P2RY14: variants seen among roughly 807,000 people sequenced by gnomAD.
The protein encoded by P2RY14 is P2Y purinoceptor 14.
In P2RY14, 2 loss-of-function variants were observed where a neutral mutation model predicts 0.9. The ratio of observed to expected loss-of-function variants is 2.16; its 90% CI spans 0.88 to 6.79. The LOEUF (loss-of-function observed/expected upper bound fraction) is 6.79. P2RY14 is among the 30% of genes most tolerant of loss of function. The probability of loss-of-function intolerance (pLI) is 0.05; values close to 1 mark genes in which losing one functional copy is unlikely to be tolerated. For synonymous variants in P2RY14, 158 were observed against 147.2 expected, an observed-to-expected ratio of 1.07 and a Z score of -0.53; for missense variants, 378 against 400.1, an observed-to-expected ratio of 0.94 and a Z score of 0.47.
At chr3:151,268,146 G>C (rs1464453433) in intron 1 of P2RY14, among the ~76,000 whole-genome samples, 3 of 151,902 alleles carry the variant, frequency 2.0e-5, no homozygotes. Flanking sequence ...TCAATACAAA[G>C]CATTAATAAA....
intron 2 of P2RY14, among the ~76,000 whole-genome samples, chr3:151,218,443 T>C (rs765711811): frequency 1.3e-5 from 2 of 152,248 alleles, no homozygotes; most frequent in Non-Finnish European, 2.9e-5. Context: ...TTACTTCTGG[T>C]ATTATCACTG....
intron 1 of P2RY14, among the ~76,000 whole-genome samples, chr3:151,225,047 G>A (rs1168309667): frequency 6.6e-6 from 1 of 152,056 alleles, no homozygotes; most frequent in Non-Finnish European, 1.5e-5. Flanking sequence ...CAGCCTCCTA[G>A]CTTTTCTTAC....
At chr3:151,247,649 G>A (rs28744503) in intron 1 of P2RY14, among the ~76,000 whole-genome samples, 59,450 of 130,332 alleles carry the variant, frequency 0.46, 14,101 homozygotes, top group Middle Eastern at 0.61. Flanking sequence ...ATTGGGAGAT[G>A]TACCTAATGC....
chr3:151,220,668 C>T (rs1729167194), intron 1 of P2RY14, among the ~76,000 whole-genome samples: 1 of 152,184 alleles, frequency 6.6e-6, no homozygotes, highest in African/African-American at 2.4e-5. Flanking sequence ...CTTCTCTTGT[C>T]TGCTGCCATG....
Position 151,213,902 on chromosome 3 carries a change from T to A in P2RY14, c.415A>T (p.Lys139Ter). The A allele has an allele frequency of 6.2e-7, 1 of 1,614,124 alleles. No individual in the cohort carries two copies. Residue 139 changes from lysine to a stop codon, truncating the protein, a stop_gained, in exon 3 of 3, where the codon AAA becomes TAA. Coordinates refer to ENST00000309170, the MANE Select transcript of P2RY14 (RefSeq NM_014879.4). LOFTEE classifies it low-confidence loss of function (END_TRUNC). ...ATCCATACTATCACTGACAGAAGTT[T>A]GCTGTAACTCACTGACTGGATGAAA... ...TSFIQSVSYS[K>*]LLSVIVWMLM... is the part of the protein sequence containing the mutation.
intron 1 of P2RY14, among the ~76,000 whole-genome samples, chr3:151,273,658 G>A (rs560500849): frequency 6.6e-6 from 1 of 152,202 alleles, no homozygotes; most frequent in South Asian, 2.1e-4. Flanking sequence ...TATTAAGGTT[G>A]TATTAGAATA....
chr3:151,234,812 C>T (rs1244290346), intron 1 of P2RY14, among the ~76,000 whole-genome samples: 1 of 152,200 alleles, frequency 6.6e-6, no homozygotes, highest in African/African-American at 2.4e-5. Context: ...CTATCATTAA[C>T]CCTGCTGTCA....
intron 1 of P2RY14, among the ~76,000 whole-genome samples, chr3:151,237,750 A>G (rs1733207683): frequency 6.6e-6 from 1 of 152,186 alleles, no homozygotes; most frequent in Non-Finnish European, 1.5e-5. Context: ...TTATCTTTTC[A>G]GATTAAAAAT....
chr3:151,212,214 T>C lies in P2RY14; in HGVS notation c.*1086A>G, dbSNP rs1576983036. On this transcript the variant is annotated 3_prime_UTR_variant, in exon 3 of 3. Transcript: ENST00000309170. Reference sequence around the variant, plus strand: ...ATGTTTTGAAAGAACATTTGAAAAATAGATGAATGTCTTCTAGCCAGTTAA... The same window carrying C: ...ATGTTTTGAAAGAACATTTGAAAAACAGATGAATGTCTTCTAGCCAGTTAA... 1 of 152,096 alleles carries C rather than the reference T, an allele frequency of 6.6e-6. No individual in the cohort carries two copies. Among genetic ancestry groups the C allele is most frequent in the Admixed American group, 6.5e-5 (1 of 15,274 alleles). The allele number at this position is 152,096 out of a possible 1,614,324, so 9.4% of individuals were successfully genotyped here. A position where few individuals can be genotyped will look rare whatever the true frequency, so the allele number is the denominator to read the frequency against.
At chr3:151,277,416 G>GT (rs1363901237) in intron 1 of P2RY14, among the ~76,000 whole-genome samples, 10 of 150,954 alleles carry the variant, frequency 6.6e-5, no homozygotes, top group South Asian at 6.3e-4. Context: ...TAATGGCTAG[G>GT]TTTTTTTTTA....
At chr3:151,217,072 C>T (rs918746605) in intron 2 of P2RY14, among the ~76,000 whole-genome samples, 9 of 152,046 alleles carry the variant, frequency 5.9e-5, no homozygotes, top group African/African-American at 2.2e-4. Flanking sequence ...AAAACTGTAG[C>T]TGTTATTTTG....
chr3:151,212,556 T>G lies in P2RY14; in HGVS notation c.*744A>C, dbSNP rs1322402445. The G allele has an allele frequency of 6.6e-6, 1 of 152,136 alleles. No homozygotes were observed. Among genetic ancestry groups the G allele is most frequent in the Non-Finnish European group, 1.5e-5 (1 of 68,028 alleles). 9.4% of individuals were successfully genotyped at this position (152,136 alleles called of 1,614,324 possible). ...GCTGATAACGTATGCCAATATTTAG[T>G]TTCTCTCAGTAAAGCCTACTTAAAA... is the stretch of plus-strand genomic sequence containing the variant. On this transcript the variant is annotated 3_prime_UTR_variant, in exon 3 of 3. Coordinates refer to ENST00000309170, the MANE Select transcript of P2RY14 (RefSeq NM_014879.4).
At chr3:151,277,362 AT>A (rs1399485180) in intron 1 of P2RY14, among the ~76,000 whole-genome samples, 1 of 152,218 alleles carries the variant, frequency 6.6e-6, no homozygotes, top group Non-Finnish European at 1.5e-5. Flanking sequence ...ATCATAAAAT[AT>A]GCCATTTTGG....
chr3:151,234,167 A>G (rs984712853), intron 1 of P2RY14, among the ~76,000 whole-genome samples: 1 of 152,240 alleles, frequency 6.6e-6, no homozygotes, highest in Non-Finnish European at 1.5e-5. Flanking sequence ...TAGCAAAAAT[A>G]TGGAAATAAC....
intron 1 of P2RY14, among the ~76,000 whole-genome samples, chr3:151,219,903 CCCT>C (rs1258792329): frequency 1.5e-5 from 2 of 136,844 alleles, no homozygotes; most frequent in Admixed American, 1.5e-4. Flanking sequence ...CCCCCCCCCC[CCCT>C]TGGATATGGA....
At position 151,213,931 on chromosome 3, in the gene P2RY14, G is replaced by A. The variant is rs1320502888; in HGVS notation, c.386C>T (p.Thr129Ile). The A allele has an allele frequency of 1.2e-6, 2 of 1,614,022 alleles. No individual in the cohort carries two copies. Among genetic ancestry groups the A allele is most frequent in the African/African-American group, 2.7e-5 (2 of 74,912 alleles). Residue 129 changes from threonine (T) to isoleucine (I), a missense_variant, in exon 3 of 3, where the codon ACT becomes ATT. By Grantham distance (89) the Thr-to-Ile change is moderately conservative. Transcript: ENST00000309170. Reference protein sequence around the residue: ...RYYKIVKPLWTSFIQSVSYSK... With the variant: ...RYYKIVKPLWISFIQSVSYSK... ...GTAACTCACTGACTGGATGAAAGAAGTCCAAAGAGGCTTTACAATTTTATA... is the reference window on the plus strand; with the variant it reads ...GTAACTCACTGACTGGATGAAAGAAATCCAAAGAGGCTTTACAATTTTATA...
At chr3:151,243,515 T>C (rs1305027569) in intron 1 of P2RY14, among the ~76,000 whole-genome samples, 1 of 152,164 alleles carries the variant, frequency 6.6e-6, no homozygotes, top group Non-Finnish European at 1.5e-5. Flanking sequence ...CCAGCGAAAC[T>C]AAGCTTCATA....
chr3:151,242,751 A>G (rs1341092459), intron 1 of P2RY14, among the ~76,000 whole-genome samples: 1 of 152,234 alleles, frequency 6.6e-6, no homozygotes, highest in African/African-American at 2.4e-5. Flanking sequence ...CAGCAGCGGA[A>G]CAAAGCTGGA....
intron 1 of P2RY14, among the ~76,000 whole-genome samples, chr3:151,235,268 G>A (rs1319821209): frequency 1.3e-5 from 2 of 152,174 alleles, no homozygotes; most frequent in Non-Finnish European, 2.9e-5. Flanking sequence ...AAAGATTTCT[G>A]GACCTTTGTA....
Sources: allele counts gnomAD v4.1 joint callset (sites outside exome capture counted in the v4.1 genomes callset), GRCh38; gene constraint gnomAD v4.1.1; transcripts MANE v1.5; gene names NCBI Gene and HGNC (gene_info 2026-07-23, HGNC 2026-07-21).